Variants in ZNF362 observed in about 807,000 individuals in gnomAD.
ZNF362 encodes rotund homolog.
A neutral mutation model predicts 42.9 loss-of-function variants in ZNF362; 11 were observed. The observed-to-expected ratio is 0.26, with a 90% CI of 0.16 to 0.42. ZNF362 has a LOEUF of 0.42. Ranked by LOEUF, ZNF362 falls within the 20% of genes least tolerant of loss-of-function variation. The pLI is 1.00. For missense variants in ZNF362, 362 were observed against 576.2 expected (o/e 0.63, Z 3.81); for synonymous variants, 255 against 257.3 (o/e 0.99, Z 0.09).
At chr1:33,216,329 C>T in the ZNF362 span, among the ~76,000 whole-genome samples, 6 of 143,400 alleles carry the variant, frequency 4.2e-5, no homozygotes, top group South Asian at 2.4e-4. Flanking sequence ...GGGCCGGGCG[C>T]GATGGCTTAT....
the ZNF362 span, among the ~76,000 whole-genome samples, chr1:33,153,813 G>A: frequency 6.6e-6 from 1 of 152,210 alleles, no homozygotes; most frequent in Non-Finnish European, 1.5e-5. Flanking sequence ...AAACAGAACT[G>A]AGACTAGGAT....
chr1:33,231,782 G>A, the ZNF362 span, among the ~76,000 whole-genome samples: 1 of 152,160 alleles, frequency 6.6e-6, no homozygotes, highest in Non-Finnish European at 1.5e-5. Flanking sequence ...GAGGCACTGA[G>A]CTGGACCAAG....
chr1:33,272,947 G>A (rs559098467), intron 2 of ZNF362, among the ~76,000 whole-genome samples: 7 of 152,320 alleles, frequency 4.6e-5, no homozygotes, highest in African/African-American at 1.4e-4. Flanking sequence ...TTGTCCCTCT[G>A]TCCTGAACAC....
chr1:33,276,537 G>T lies in ZNF362; in HGVS notation c.292G>T (p.Ala98Ser). Residue 98 changes from alanine (A) to serine (S), a missense_variant, in exon 4 of 9, where the codon GCG becomes TCG. This residue lies in a region of ZNF362 where 266 missense variants were observed against 365.4 expected (regional missense o/e 0.73). Coordinates refer to ENST00000539719, the MANE Select transcript of ZNF362 (RefSeq NM_152493.3). ...GCAGGTGCCGGGGCTGCATCCACAG[G>T]CGGTGCCGCAGCCCGACGTGGCGCT... ...LQQVPGLHPQ[A>S]VPQPDVALHA... 6.6e-7 allele frequency: 1 copy of T among 1,518,390 alleles called. No individual in the cohort carries two copies. The allele number at this position is 1,518,390 out of a possible 1,614,324, so 94.1% of individuals were successfully genotyped here. A position where few individuals can be genotyped will look rare whatever the true frequency, so the allele number is the denominator to read the frequency against.
the ZNF362 span, among the ~76,000 whole-genome samples, chr1:33,239,226 T>G: frequency 2.0e-5 from 3 of 152,164 alleles, no homozygotes; most frequent in Non-Finnish European, 1.5e-5. Context: ...TTGCAGACAA[T>G]GCTAAAGGTA....
At chr1:33,260,784 C>T (rs1645823689) in intron 1 of ZNF362, among the ~76,000 whole-genome samples, 1 of 152,118 alleles carries the variant, frequency 6.6e-6, no homozygotes, top group South Asian at 2.1e-4. Context: ...CTTCCTCCCA[C>T]CCCGGGAGAC....
the ZNF362 span, among the ~76,000 whole-genome samples, chr1:33,194,393 C>T: frequency 4.0e-5 from 6 of 151,742 alleles, no homozygotes; most frequent in East Asian, 1.9e-4. Context: ...AAAAATTAGC[C>T]GGGCATGGTG....
At chr1:33,225,728 T>G in the ZNF362 span, among the ~76,000 whole-genome samples, 1 of 152,172 alleles carries the variant, frequency 6.6e-6, no homozygotes, top group Non-Finnish European at 1.5e-5. Flanking sequence ...TTACCTCACA[T>G]AAGTCATCCA....
the ZNF362 span, among the ~76,000 whole-genome samples, chr1:33,215,058 G>T: frequency 6.6e-6 from 1 of 152,156 alleles, no homozygotes; most frequent in Non-Finnish European, 1.5e-5. Flanking sequence ...GTTTATTGCA[G>T]CACTGTGCAC....
Position 33,276,449 on chromosome 1 carries a change from G to T in ZNF362, c.204G>T (p.Pro68=), listed in dbSNP as rs1291910404. The T allele has an allele frequency of 1.3e-6, 2 of 1,573,942 alleles. No homozygotes were observed. Among genetic ancestry groups the T allele is most frequent in the Non-Finnish European group, 1.7e-6 (2 of 1,163,358 alleles). ...CCACGTCGGCCTCGTCGCAGCAGCC[G>T]TTGCTAGTGCCGCCGGCACCCGCCG... is the stretch of plus-strand genomic sequence containing the variant. ...LPPTSASSQQ[P]LLVPPAPAES... The change falls in exon 4 of 9, where the codon CCG becomes CCT. Residue 68 remains proline, a synonymous_variant. Coordinates refer to ENST00000539719, the MANE Select transcript of ZNF362 (RefSeq NM_152493.3).
chr1:33,277,822 G>C (rs1452030000), intron 4 of ZNF362, among the ~76,000 whole-genome samples: 1 of 152,176 alleles, frequency 6.6e-6, no homozygotes, highest in Non-Finnish European at 1.5e-5. Flanking sequence ...TGGGGTGCCA[G>C]GCGGACATCC....
intron 2 of ZNF362, among the ~76,000 whole-genome samples, chr1:33,273,690 T>C (rs1645922230): frequency 6.6e-6 from 1 of 152,194 alleles, no homozygotes; most frequent in African/African-American, 2.4e-5. Context: ...TTCTCATGCA[T>C]GTGGCCTGAG....
the ZNF362 span, among the ~76,000 whole-genome samples, chr1:33,158,665 A>G: frequency 6.6e-6 from 1 of 152,198 alleles, no homozygotes; most frequent in Non-Finnish European, 1.5e-5. Context: ...GTCAATGCCA[A>G]ATTCATGATC....
At chr1:33,141,493 G>T in the ZNF362 span, among the ~76,000 whole-genome samples, 5 of 152,144 alleles carry the variant, frequency 3.3e-5, no homozygotes, top group South Asian at 8.3e-4. Context: ...GACCCTTCCA[G>T]CATTCAGATT....
the ZNF362 span, among the ~76,000 whole-genome samples, chr1:33,247,520 G>T: frequency 6.6e-6 from 1 of 152,190 alleles, no homozygotes; most frequent in Non-Finnish European, 1.5e-5. Context: ...ATGTCCCTAT[G>T]GGCATTCAAT....
At chr1:33,225,546 T>G in the ZNF362 span, among the ~76,000 whole-genome samples, 1 of 152,146 alleles carries the variant, frequency 6.6e-6, no homozygotes, top group Non-Finnish European at 1.5e-5. Flanking sequence ...TGTTTACCCT[T>G]GTATTGATTT....
chr1:33,234,156 A>G, the ZNF362 span, among the ~76,000 whole-genome samples: 1 of 152,152 alleles, frequency 6.6e-6, no homozygotes, highest in East Asian at 1.9e-4. Flanking sequence ...TAGGGTACTG[A>G]TGTGGCCTAA....
chr1:33,206,444 T>C, the ZNF362 span, among the ~76,000 whole-genome samples: 1 of 151,992 alleles, frequency 6.6e-6, no homozygotes, highest in Non-Finnish European at 1.5e-5. Context: ...TTCAAAAGAA[T>C]CTATTATAGC....
At chr1:33,223,138 C>A in the ZNF362 span, among the ~76,000 whole-genome samples, 294 of 152,182 alleles carry the variant, frequency 1.9e-3, 1 homozygote, top group African/African-American at 6.6e-3. Flanking sequence ...GTAGTCCCAG[C>A]TACTCAGGAG....
Sources: gnomAD v4.1 joint callset for allele counts (sites outside exome capture counted in the v4.1 genomes callset) on GRCh38, gnomAD v4.1.1 for gene constraint, gnomAD v4.1.1 regional missense constraint, MANE v1.5 for transcripts, NCBI Gene and HGNC (gene_info 2026-07-23, HGNC 2026-07-21) for gene names.